The following TMEM74 variants were observed in gnomAD, a reference collection of about 807,000 sequenced individuals.
TMEM74 encodes the protein transmembrane protein 74.
In TMEM74, 13 loss-of-function variants were observed where a neutral mutation model predicts 18.1. The observed-to-expected ratio is 0.72, with a 90% CI of 0.47 to 1.14. TMEM74 has a LOEUF of 1.14. TMEM74 is among the 50% of genes most tolerant of loss of function. The probability of loss-of-function intolerance (pLI) is 0.00; values close to 1 mark genes in which losing one functional copy is unlikely to be tolerated. For missense variants in TMEM74, 372 were observed against 375.9 expected (o/e 0.99, Z 0.09); for synonymous variants, 159 against 146.6 (o/e 1.08, Z -0.61).
At chr8:108,705,225 A>T (rs952477459) in intron 1 of TMEM74, among the ~76,000 whole-genome samples, 4 of 152,238 alleles carry the variant, frequency 2.6e-5, no homozygotes, top group African/African-American at 9.6e-5. Flanking sequence ...AAAAGACAAC[A>T]TAAAACTGGA....
chr8:108,668,880 G>A (rs1252485834), intron 1 of TMEM74, among the ~76,000 whole-genome samples: 1 of 151,842 alleles, frequency 6.6e-6, no homozygotes, highest in African/African-American at 2.4e-5. Flanking sequence ...TTTCTGCTTG[G>A]TCCTAAAGCA....
intron 1 of TMEM74, among the ~76,000 whole-genome samples, chr8:108,683,274 A>C (rs1234718172): frequency 6.6e-6 from 1 of 151,762 alleles, no homozygotes; most frequent in African/African-American, 2.4e-5. Context: ...AAACTTTAAA[A>C]TTAATTCAAT....
chr8:108,787,252 G>A (rs926561457), intron 1 of TMEM74, among the ~76,000 whole-genome samples: 5 of 152,170 alleles, frequency 3.3e-5, no homozygotes, highest in South Asian at 2.1e-4. Context: ...GGGAGAGCGA[G>A]CCCCAAGCAC....
rs13253903 is a variant in TMEM74 at position 108,756,703 on chromosome 8, G to A, written n.119+30773C>T. 4.8e-3 allele frequency among the ~76,000 whole-genome samples: 332 copies of A among 68,916 alleles called. 1 individual carries two copies. Among genetic ancestry groups the A allele is most frequent in the Middle Eastern group, 0.011 (1 of 92 alleles). 45.2% of individuals were successfully genotyped at this position (68,916 alleles called of 152,430 possible). Reference sequence around the variant, plus strand: ...AAGAAAGAAAGAAAGAAAGAAGGAAGGAAAGAAAGAAAGAAAGAGAAAGAA... The same window carrying A: ...AAGAAAGAAAGAAAGAAAGAAGGAAAGAAAGAAAGAAAGAAAGAGAAAGAA... On this transcript the variant is annotated intron_variant and non_coding_transcript_variant, in intron 1 of 3. Transcript: ENST00000518838.
intron 1 of TMEM74, among the ~76,000 whole-genome samples, chr8:108,748,152 A>G (rs1433095789): frequency 6.6e-6 from 1 of 152,110 alleles, no homozygotes; most frequent in Non-Finnish European, 1.5e-5. Flanking sequence ...GTCTTCCACA[A>G]TGGTTGAACT....
chr8:108,716,732 A>G (rs1021094055), intron 1 of TMEM74, among the ~76,000 whole-genome samples: 2 of 151,996 alleles, frequency 1.3e-5, no homozygotes, highest in Non-Finnish European at 2.9e-5. Context: ...GTAAGTAAAC[A>G]GCAAAACAGT....
At position 108,719,683 on chromosome 8, in the gene TMEM74, G is replaced by A. The variant is rs907985801; in HGVS notation, n.120-64246C>T. ...TCAAAGAAATTTCAAGCCATTGGCA[G>A]GCTACTTTGAGAGTGGAGAGGCTAG... On this transcript the variant is annotated intron_variant and non_coding_transcript_variant, in intron 1 of 3. Transcript: ENST00000518838. Among the ~76,000 whole-genome samples the A allele has an allele frequency of 4.6e-5, 7 of 152,248 alleles. No homozygotes were observed. In the South Asian group the frequency reaches 1.2e-3, roughly 27 times the overall value.
Position 108,684,900 on chromosome 8 carries a change from A to T in TMEM74, n.120-29463T>A, listed in dbSNP as rs540647868. Among the ~76,000 whole-genome samples the T allele has an allele frequency of 6.6e-5, 10 of 151,762 alleles. 2 individuals are homozygous for T. The highest frequency in any genetic ancestry group is 2.2e-4 in the African/African-American group (9 of 41,416). On this transcript the variant is annotated intron_variant and non_coding_transcript_variant, in intron 1 of 3. Coordinates refer to the TMEM74 transcript ENST00000518838. ...TCCAGCTTTGTTCTTTTTGCTCAAG[A>T]TTGCTTTGTCTATTCAGGGTCTTTT... is the stretch of plus-strand genomic sequence containing the variant.
In TMEM74 at chr8:108,692,726, CAAAT is replaced by C. The variant is rs1365554148; in HGVS notation, n.120-37293_120-37290del. Among the ~76,000 whole-genome samples, 4 of 152,138 alleles carry C rather than the reference CAAAT, an allele frequency of 2.6e-5. No homozygotes were observed. In the South Asian group the frequency reaches 8.3e-4, roughly 32 times the overall value. On this transcript the variant is annotated intron_variant and non_coding_transcript_variant, in intron 1 of 3. Coordinates refer to the TMEM74 transcript ENST00000518838. ...CAACCAATCAACAAAAACAAACAAA[CAAAT>C]AAATAAATGCATGCTTGATCTTTTC...
intron 1 of TMEM74, among the ~76,000 whole-genome samples, chr8:108,756,599 A>AGAAAGGGAGGAAGGAAGG (rs1586286215): frequency 3.9e-5 from 2 of 51,524 alleles, no homozygotes. Flanking sequence ...AAAGAAAGAG[A>AGAAAGGGAGGAAGGAAGG]AAGGAAGGAA....
chr8:108,614,781 T>C (rs1812367537), intron 2 of TMEM74, among the ~76,000 whole-genome samples: 1 of 152,068 alleles, frequency 6.6e-6, no homozygotes, highest in Admixed American at 6.5e-5. Context: ...CACAGGAATA[T>C]TAAAGCATGT....
chr8:108,657,943 A>G (rs1212099511), intron 1 of TMEM74, among the ~76,000 whole-genome samples: 1 of 137,674 alleles, frequency 7.3e-6, no homozygotes, highest in Non-Finnish European at 1.5e-5. Flanking sequence ...AAGGTCTATC[A>G]CTTTTAGAAG....
intron 1 of TMEM74, among the ~76,000 whole-genome samples, chr8:108,700,130 G>GGTGTGTGTGTGTGTGTGTGT (rs3049748): frequency 1.4e-5 from 2 of 143,076 alleles, no homozygotes; most frequent in African/African-American, 2.6e-5. Context: ...GGCCATAAAT[G>GGTGTGTGTGTGTGTGTGTGT]GTGTGTGTGT....
intron 1 of TMEM74, among the ~76,000 whole-genome samples, chr8:108,737,905 C>A (rs1173385025): frequency 6.6e-6 from 1 of 152,174 alleles, no homozygotes; most frequent in African/African-American, 2.4e-5. Context: ...CACATAATCT[C>A]CAAACTGGTA....
At chr8:108,677,205 T>C (rs1813063381) in intron 1 of TMEM74, among the ~76,000 whole-genome samples, 1 of 152,198 alleles carries the variant, frequency 6.6e-6, no homozygotes, top group East Asian at 1.9e-4. Context: ...AGGAGTTGTC[T>C]GGCCTAGAAA....
chr8:108,710,075 A>G (rs1813459428), intron 1 of TMEM74, among the ~76,000 whole-genome samples: 2 of 152,338 alleles, frequency 1.3e-5, no homozygotes, highest in South Asian at 4.1e-4. Flanking sequence ...TAATAACAGG[A>G]TTACTTCCCA....
chr8:108,787,246 G>A (rs1447275281), intron 1 of TMEM74, among the ~76,000 whole-genome samples: 2 of 152,174 alleles, frequency 1.3e-5, no homozygotes, highest in African/African-American at 2.4e-5. Flanking sequence ...AAAGCCGGGA[G>A]AGCGAGCCCC....
At chr8:108,729,617 C>T (rs1221009747) in intron 1 of TMEM74, among the ~76,000 whole-genome samples, 3 of 152,066 alleles carry the variant, frequency 2.0e-5, no homozygotes, top group Non-Finnish European at 4.4e-5. Flanking sequence ...TTTGTCTATG[C>T]GATAGAATAT....
chr8:108,757,435 T>TA lies in TMEM74; in HGVS notation n.119+30040dup, dbSNP rs1362999371. On this transcript the variant is annotated intron_variant and non_coding_transcript_variant, in intron 1 of 3. Transcript: ENST00000518838. ...TATTTATCTCCACACAGACTGTTCT[T>TA]AAAATAAATGATGCTTGATTTTTAA... is the stretch of plus-strand genomic sequence containing the variant. Among the ~76,000 whole-genome samples, 3 of 152,126 alleles carry TA rather than the reference T, an allele frequency of 2.0e-5. No homozygotes were observed. The East Asian group carries it at 5.8e-4, about 29-fold the overall frequency.
Sources: allele counts gnomAD v4.1 joint callset (sites outside exome capture counted in the v4.1 genomes callset), GRCh38; gene constraint gnomAD v4.1.1; transcripts MANE v1.5; gene names NCBI Gene and HGNC (gene_info 2026-07-23, HGNC 2026-07-21).